Variants in CEP57L1 observed in about 807,000 individuals in gnomAD.
CEP57L1 encodes the protein centrosomal protein CEP57L1.
A neutral mutation model predicts 61.0 loss-of-function variants in CEP57L1; 37 were observed. That is an observed-to-expected ratio of 0.61 (90% CI 0.47 to 0.80). The LOEUF (loss-of-function observed/expected upper bound fraction) is 0.80, where lower values mean the gene tolerates loss of function less well. Among genes scored for constraint, CEP57L1 ranks in the 30% least tolerant of loss-of-function variants. The pLI is 0.00. For missense variants in CEP57L1, 422 were observed against 524.7 expected, an observed-to-expected ratio of 0.80 and a Z score of 1.91; for synonymous variants, 137 against 162.3, an observed-to-expected ratio of 0.84 and a Z score of 1.19.
In CEP57L1 at chr6:109,146,662, G is replaced by C. The variant is rs539681984; in HGVS notation, c.161-96G>C. On this transcript the variant is annotated intron_variant, in intron 2 of 10. Transcript: ENST00000517392. Reference sequence around the variant, plus strand: ...ATTACTTGTACATTTTTCTGGCTCAGTAACAAAAATATACTGCTTATTTTT... The same window carrying C: ...ATTACTTGTACATTTTTCTGGCTCACTAACAAAAATATACTGCTTATTTTT... 22 of 806,134 alleles carry C rather than the reference G, an allele frequency of 2.7e-5. 1 individual carries two copies. In the Admixed American group the frequency reaches 6.8e-4, roughly 25 times the overall value. 49.9% of individuals were successfully genotyped at this position (806,134 alleles called of 1,614,324 possible). A position where few individuals can be genotyped will look rare whatever the true frequency, so the allele number is the denominator to read the frequency against.
chr6:109,099,766 T>C (rs762996544), intron 1 of CEP57L1, among the ~76,000 whole-genome samples: 6 of 152,142 alleles, frequency 3.9e-5, no homozygotes, highest in Non-Finnish European at 7.4e-5. Context: ...GGCAGGATGG[T>C]CTCGATCTCC....
At chr6:109,100,534 G>C (rs1782250989) in intron 1 of CEP57L1, among the ~76,000 whole-genome samples, 1 of 151,800 alleles carries the variant, frequency 6.6e-6, no homozygotes, top group African/African-American at 2.4e-5. Flanking sequence ...AATTAGCCAG[G>C]CGTGGTGGTG....
intron 1 of CEP57L1, among the ~76,000 whole-genome samples, chr6:109,138,422 A>G (rs1770979520): frequency 6.6e-6 from 1 of 152,180 alleles, no homozygotes; most frequent in African/African-American, 2.4e-5. Flanking sequence ...GGGATGTGAG[A>G]GAGAGGTATC....
At chr6:109,148,437 A>C (rs1772212432) in intron 3 of CEP57L1, among the ~76,000 whole-genome samples, 1 of 152,218 alleles carries the variant, frequency 6.6e-6, no homozygotes, top group Non-Finnish European at 1.5e-5. Context: ...GTCCCTACAA[A>C]GGACATGAAC....
chr6:109,123,804 C>T (rs1350176227), intron 1 of CEP57L1, among the ~76,000 whole-genome samples: 1 of 151,994 alleles, frequency 6.6e-6, no homozygotes, highest in African/African-American at 2.4e-5. Context: ...CATGGTGGTT[C>T]ACACCTGTAA....
In CEP57L1 at chr6:109,136,700, T is replaced by TTTTA. The variant is rs1224278799; in HGVS notation, c.-3-8516_-3-8515insATTT. Reference sequence around the variant, plus strand: ...AAAGAAGTCTGCTCTGAAACTTGTATTTTTATTTTATTTTATTTTATTTTA... The same window carrying TTTTA: ...AAAGAAGTCTGCTCTGAAACTTGTATTTTATTTTATTTTATTTTATTTTATTTTA... On this transcript the variant is annotated intron_variant, in intron 1 of 10. Transcript: ENST00000517392. 4.4e-4 allele frequency among the ~76,000 whole-genome samples: 51 copies of TTTTA among 115,858 alleles called. 1 individual carries two copies. Among genetic ancestry groups the TTTTA allele is most frequent in the Middle Eastern group, 4.8e-3 (1 of 210 alleles). 76.0% of individuals were successfully genotyped at this position (115,858 alleles called of 152,430 possible). A position where few individuals can be genotyped will look rare whatever the true frequency, so the allele number is the denominator to read the frequency against.
intron 1 of CEP57L1, among the ~76,000 whole-genome samples, chr6:109,136,123 T>C (rs1210346556): frequency 6.6e-6 from 1 of 152,230 alleles, no homozygotes; most frequent in African/African-American, 2.4e-5. Flanking sequence ...CACGTATGTT[T>C]ATTGCGGCAC....
At chr6:109,151,714 CATTT>C (rs1172335467) in intron 4 of CEP57L1, among the ~76,000 whole-genome samples, 2 of 152,124 alleles carry the variant, frequency 1.3e-5, no homozygotes, top group African/African-American at 4.8e-5. Context: ...ATTGTCTTAG[CATTT>C]ATTTATCTGG....
rs1241767630 is a variant in CEP57L1 at position 109,165,884 on chromosome 6, T to C, written c.*2914T>C. On this transcript the variant is annotated 3_prime_UTR_variant, in exon 11 of 11. Transcript: ENST00000517392. ...AGCTGTGCTCTGTCTAGCAGAAACTTGGTATGATTTCACGGATTTTGTTCA... is the reference window on the plus strand; with the variant it reads ...AGCTGTGCTCTGTCTAGCAGAAACTCGGTATGATTTCACGGATTTTGTTCA... 6.6e-6 allele frequency: 1 copy of C among 152,334 alleles called. No homozygotes were observed. The highest frequency in any genetic ancestry group is 6.5e-5 in the Admixed American group (1 of 15,292). 9.4% of individuals were successfully genotyped at this position (152,334 alleles called of 1,614,324 possible).
chr6:109,112,809 G>C (rs1771818963), intron 1 of CEP57L1, among the ~76,000 whole-genome samples: 1 of 152,166 alleles, frequency 6.6e-6, no homozygotes. Context: ...TTTCCATGTA[G>C]TTGTGCAGTT....
intron 1 of CEP57L1, among the ~76,000 whole-genome samples, chr6:109,116,067 A>T (rs191374909): frequency 8.1e-4 from 121 of 149,186 alleles, no homozygotes; most frequent in Non-Finnish European, 1.6e-3. Context: ...CTGGAATTCT[A>T]TTTCCTCCCT....
intron 1 of CEP57L1, among the ~76,000 whole-genome samples, chr6:109,126,901 C>T (rs1233940033): frequency 1.3e-5 from 2 of 152,160 alleles, no homozygotes; most frequent in Non-Finnish European, 2.9e-5. Context: ...GGCACGGTGC[C>T]TCACGCCTGT....
chr6:109,128,997 G>C (rs1282424460), intron 1 of CEP57L1, among the ~76,000 whole-genome samples: 2 of 152,024 alleles, frequency 1.3e-5, no homozygotes, highest in African/African-American at 4.8e-5. Context: ...TCAGGAGTTC[G>C]AGACCAGCCT....
intron 4 of CEP57L1, among the ~76,000 whole-genome samples, chr6:109,151,083 A>C (rs1403495967): frequency 6.6e-6 from 1 of 152,208 alleles, no homozygotes; most frequent in Non-Finnish European, 1.5e-5. Context: ...TTAAATATAA[A>C]GAATTAAAAT....
At chr6:109,142,832 A>T (rs1248795533) in intron 1 of CEP57L1, among the ~76,000 whole-genome samples, 2 of 151,876 alleles carry the variant, frequency 1.3e-5, no homozygotes, top group African/African-American at 2.4e-5. Flanking sequence ...ATTTTCAGAA[A>T]TTTTTCCCTA....
At chr6:109,121,874 TCAA>T (rs1773017583) in intron 1 of CEP57L1, among the ~76,000 whole-genome samples, 1 of 152,178 alleles carries the variant, frequency 6.6e-6, no homozygotes, top group African/African-American at 2.4e-5. Context: ...TGAAAACAAA[TCAA>T]CACCTGTATG....
intron 7 of CEP57L1, chr6:109,158,012 A>G (rs1562143838): frequency 6.6e-6 from 1 of 152,286 alleles, no homozygotes; most frequent in Non-Finnish European, 1.5e-5. Flanking sequence ...TCTGTTCACC[A>G]TCTGTGTATT....
At chr6:109,136,023 T>A (rs1412569703) in intron 1 of CEP57L1, among the ~76,000 whole-genome samples, 10 of 152,186 alleles carry the variant, frequency 6.6e-5, no homozygotes, top group Non-Finnish European at 1.0e-4. Context: ...CTCAGGGATC[T>A]AGAACTAGAA....
intron 1 of CEP57L1, among the ~76,000 whole-genome samples, chr6:109,121,736 T>A (rs1331847546): frequency 6.6e-6 from 1 of 152,216 alleles, no homozygotes; most frequent in Non-Finnish European, 1.5e-5. Context: ...CTGATCTCAC[T>A]CTTTGGGGTT....
Sources: gnomAD v4.1 joint callset for allele counts (sites outside exome capture counted in the v4.1 genomes callset) on GRCh38, gnomAD v4.1.1 for gene constraint, MANE v1.5 for transcripts, NCBI Gene and HGNC (gene_info 2026-07-23, HGNC 2026-07-21) for gene names.